The following ADNP2 variants were observed in gnomAD, a reference collection of about 807,000 sequenced individuals.
The protein encoded by ADNP2 is ADNP homeobox 2.
In ADNP2, 8 loss-of-function variants were observed where a neutral mutation model predicts 16.4. The observed-to-expected ratio is 0.49, with a 90% CI of 0.29 to 0.88. ADNP2 has a LOEUF of 0.88. ADNP2 is among the 40% of genes least tolerant of loss of function. ADNP2 has a pLI of 0.09. For synonymous variants in ADNP2, 637 were observed against 545.8 expected (o/e 1.17, Z -2.33); for missense variants, 1,397 against 1,395.1 (o/e 1.00, Z -0.02).
At chr18:80,130,274 T>C (rs2052487664) in intron 2 of ADNP2, among the ~76,000 whole-genome samples, 1 of 152,234 alleles carries the variant, frequency 6.6e-6, no homozygotes. Context: ...ACTTATACTT[T>C]TCTGTAGGTT....
chr18:80,112,778 C>G (rs553985108), intron 1 of ADNP2, among the ~76,000 whole-genome samples: 37 of 152,292 alleles, frequency 2.4e-4, no homozygotes, highest in Admixed American at 1.7e-3. Flanking sequence ...GTCCACCAGT[C>G]TTTGTATCCC....
chr18:80,125,115 G>GTAAT (rs1336278875), intron 2 of ADNP2, among the ~76,000 whole-genome samples: 3 of 152,186 alleles, frequency 2.0e-5, no homozygotes, highest in Non-Finnish European at 4.4e-5. Context: ...TAGGCAGCAT[G>GTAAT]TAATTGGTCT....
intron 3 of ADNP2, among the ~76,000 whole-genome samples, chr18:80,134,395 G>A (rs1248594471): frequency 7.4e-6 from 1 of 136,048 alleles, no homozygotes; most frequent in Non-Finnish European, 1.7e-5. Context: ...GAGTGTGTGT[G>A]TGTGTGTGTG....
chr18:80,125,623 A>T (rs370918286), intron 2 of ADNP2, among the ~76,000 whole-genome samples: 1 of 151,960 alleles, frequency 6.6e-6, no homozygotes, highest in Admixed American at 6.5e-5. Context: ...AGCCTGGGCG[A>T]CAGAGTGAGA....
Position 80,138,282 on chromosome 18 carries a change from C to A in ADNP2, c.2869C>A (p.His957Asn), listed in dbSNP as rs756634152. 2.5e-6 allele frequency: 4 copies of A among 1,614,128 alleles called. No homozygotes were observed. The highest frequency in any genetic ancestry group is 3.4e-6 in the Non-Finnish European group (4 of 1,180,042). Residue 957 changes from histidine to asparagine, a missense_variant, in exon 4 of 4, where the codon CAC becomes AAC. His to Asn is a moderately conservative substitution (Grantham distance 68). Coordinates refer to ENST00000262198, the MANE Select transcript of ADNP2 (RefSeq NM_014913.4). ...CCTGCAGGCCCAGCCGGGTTTTATT[C>A]ACAACAGTGAACTGCTTTTAGTCAG... ...SDLQAQPGFI[H>N]NSELLLVSGE...
chr18:80,138,024 G>A lies in ADNP2; in HGVS notation c.2611G>A (p.Gly871Ser), dbSNP rs375645436. 3.0e-5 allele frequency: 49 copies of A among 1,613,492 alleles called. 1 individual carries two copies. Among genetic ancestry groups the A allele is most frequent in the South Asian group, 9.9e-5 (9 of 91,082 alleles). Residue 871 changes from glycine (G) to serine (S), a missense_variant, in exon 4 of 4, where the codon GGC becomes AGC. By Grantham distance (56) the Gly-to-Ser change is moderately conservative. Transcript: ENST00000262198. ...PQAEGTPGST[G>S]KRVSTCPFCF... ...GGCTGAGGGCACCCCCGGGAGCACC[G>A]GCAAGCGAGTGTCCACCTGCCCCTT... is the stretch of plus-strand genomic sequence containing the variant.
intron 2 of ADNP2, among the ~76,000 whole-genome samples, chr18:80,119,121 A>G (rs1232840088): frequency 2.0e-5 from 3 of 152,220 alleles, no homozygotes; most frequent in African/African-American, 7.2e-5. Flanking sequence ...AAAGGATATA[A>G]TCAAATTGTA....
At chr18:80,109,693 C>T (rs962237449) in intron 1 of ADNP2, 2 of 150,426 alleles carry the variant, frequency 1.3e-5, no homozygotes, top group African/African-American at 2.4e-5. Flanking sequence ...CGACCCCCGA[C>T]GCGCCCGCGG....
intron 1 of ADNP2, among the ~76,000 whole-genome samples, chr18:80,111,235 A>G (rs2052354964): frequency 6.6e-6 from 1 of 152,180 alleles, no homozygotes. Context: ...GTATTCCAAT[A>G]GTTGGGACAT....
intron 1 of ADNP2, among the ~76,000 whole-genome samples, chr18:80,112,461 C>T (rs1233834161): frequency 6.7e-6 from 1 of 148,842 alleles, no homozygotes; most frequent in Non-Finnish European, 1.5e-5. Flanking sequence ...GGGAACTTTT[C>T]CCCCTCCTTT....
intron 3 of ADNP2, 123 bp downstream of exon 3, chr18:80,133,315 C>T (rs763054245): frequency 5.1e-6 from 4 of 780,958 alleles, no homozygotes; most frequent in South Asian, 2.9e-5. Flanking sequence ...AGGAATAATG[C>T]AACCTTTCAG....
intron 1 of ADNP2, 71 bp downstream of exon 1, chr18:80,109,543 G>C (rs952105672): frequency 1.1e-4 from 16 of 146,734 alleles, no homozygotes; most frequent in Admixed American, 6.7e-5. Context: ...CCCCGCCCCA[G>C]TCTGGTCCCC....
chr18:80,131,482 T>C (rs1030699469), intron 2 of ADNP2, among the ~76,000 whole-genome samples: 1 of 152,030 alleles, frequency 6.6e-6, no homozygotes, highest in African/African-American at 2.4e-5. Flanking sequence ...AAGAAAAAAA[T>C]ACACTTTTCT....
chr18:80,124,076 A>G (rs760548016), intron 2 of ADNP2, among the ~76,000 whole-genome samples: 1 of 152,120 alleles, frequency 6.6e-6, no homozygotes, highest in Non-Finnish European at 1.5e-5. Context: ...CTGTACCTGT[A>G]CTTTTCTCTG....
chr18:80,111,546 T>C (rs145603690), intron 1 of ADNP2, among the ~76,000 whole-genome samples: 19 of 151,104 alleles, frequency 1.3e-4, no homozygotes, highest in African/African-American at 4.6e-4. Context: ...TATTGTTTAT[T>C]ACTGTATTAC....
intron 2 of ADNP2, among the ~76,000 whole-genome samples, chr18:80,126,487 C>CT (rs2145203180): frequency 6.6e-6 from 1 of 152,162 alleles, no homozygotes; most frequent in Non-Finnish European, 1.5e-5. Context: ...TACTTTCTCT[C>CT]TAAAAAAAAG....
rs770107576 is a variant in ADNP2, at chr18:80,135,863, C to T, written c.450C>T (p.Ser150=). ...TAGGTGAAACTAAATCATCTAGGAG[C>T]GATGTGATAAGTTTCACATGTCTAA... ...NILGETKSSR[S]DVISFTCLKC... The change falls in exon 4 of 4, where the codon AGC becomes AGT. Residue 150 remains serine (S), a synonymous_variant. Transcript: ENST00000262198. The T allele has an allele frequency of 8.2e-5, 133 of 1,614,138 alleles. No homozygotes were observed. Among genetic ancestry groups the T allele is most frequent in the South Asian group, 2.0e-4 (18 of 91,072 alleles).
chr18:80,119,673 C>T (rs924726816), intron 2 of ADNP2, among the ~76,000 whole-genome samples: 4 of 152,212 alleles, frequency 2.6e-5, no homozygotes, highest in Admixed American at 6.5e-5. Context: ...AAGGTAGACT[C>T]TTCCACGAAT....
chr18:80,135,588 TAAG>T (rs1342264523), intron 3 of ADNP2, 21 bp from the exon 4 acceptor site: 1 of 1,590,706 alleles, frequency 6.3e-7, no homozygotes, highest in East Asian at 2.2e-5. Flanking sequence ...CAATTATGCT[TAAG>T]GCTTTCTTTT....
Sources: allele counts gnomAD v4.1 joint callset (sites outside exome capture counted in the v4.1 genomes callset), GRCh38; gene constraint gnomAD v4.1.1; transcripts MANE v1.5; gene names NCBI Gene and HGNC (gene_info 2026-07-23, HGNC 2026-07-21).